The following CSMD1 variants were observed in gnomAD, a reference collection of about 807,000 sequenced individuals.
CSMD1 encodes CUB and sushi domain-containing protein 1.
In CSMD1, 213 loss-of-function variants were observed where a neutral mutation model predicts 417.5. The ratio of observed to expected loss-of-function variants is 0.51; its 90% CI spans 0.46 to 0.57. The LOEUF (loss-of-function observed/expected upper bound fraction) is 0.57. Ranked by LOEUF, CSMD1 falls within the 20% of genes least tolerant of loss-of-function variation. CSMD1 has a pLI of 0.00. For missense variants in CSMD1, 6,923 were observed against 4,529.7 expected, an observed-to-expected ratio of 1.53 and a Z score of -15.17; for synonymous variants, 2,862 against 1,736.8, an observed-to-expected ratio of 1.65 and a Z score of -16.11.
Position 3,784,198 on chromosome 8 carries a change from T to C in CSMD1, c.819-30156A>G, listed in dbSNP as rs568779415. On this transcript the variant is annotated intron_variant, in intron 5 of 69. Transcript: ENST00000635120. ...TAAGTGTCACACCTTGGGAAAGGGG[T>C]GGGTACCCAATAAATAACAAATTAT... Among the ~76,000 whole-genome samples the C allele has an allele frequency of 5.9e-5, 9 of 152,146 alleles. 1 individual carries two copies. The South Asian group carries it at 1.9e-3, about 32-fold the overall frequency.
chr8:4,263,816 T>A (rs1361020835), intron 3 of CSMD1, among the ~76,000 whole-genome samples: 2 of 152,200 alleles, frequency 1.3e-5, no homozygotes, highest in Non-Finnish European at 2.9e-5. Context: ...ATTATACATA[T>A]TTTCTAAACC....
rs1459939640 is a variant in CSMD1, at chr8:3,367,014, CA to C, written c.3115+17del. 6.3e-7 allele frequency: 1 copy of C among 1,593,954 alleles called. No homozygotes were observed. Among genetic ancestry groups the C allele is most frequent in the Non-Finnish European group, 8.6e-7 (1 of 1,163,504 alleles). ...TATTGTTGCCAGAGGAGAGAAACAG[CA>C]AACAAGACCAACATACCTGAAAATG... On this transcript the variant is annotated intron_variant, in intron 20 of 69. Coordinates refer to ENST00000635120, the MANE Select transcript of CSMD1 (RefSeq NM_033225.6).
chr8:4,708,160 G>T (rs376811915), intron 1 of CSMD1, among the ~76,000 whole-genome samples: 14 of 151,812 alleles, frequency 9.2e-5, no homozygotes, highest in African/African-American at 3.4e-4. Context: ...TTGCTATGTC[G>T]ACCAGGCTGG....
intron 12 of CSMD1, among the ~76,000 whole-genome samples, chr8:3,454,261 T>C (rs577117553): frequency 6.6e-6 from 1 of 152,222 alleles, no homozygotes; most frequent in Admixed American, 6.5e-5. Context: ...CTTGACTCTT[T>C]ATCCAATTTG....
chr8:3,459,328 G>A lies in CSMD1; in HGVS notation c.1561+9384C>T, dbSNP rs568596756. Among the ~76,000 whole-genome samples, 16 of 152,270 alleles carry A rather than the reference G, an allele frequency of 1.1e-4. 1 individual carries two copies. The South Asian group carries it at 3.3e-3, about 32-fold the overall frequency. The stretch of plus-strand genomic sequence containing the variant: ...GTCCCTCACCCTGCTGGCTGACGTG[G>A]GGCACAGGGTACACAACACAGCGGC... On this transcript the variant is annotated intron_variant, in intron 12 of 69. Coordinates refer to ENST00000635120, the MANE Select transcript of CSMD1 (RefSeq NM_033225.6).
chr8:4,688,446 G>T (rs375850497), intron 1 of CSMD1, among the ~76,000 whole-genome samples: 37 of 151,968 alleles, frequency 2.4e-4, no homozygotes, highest in Admixed American at 9.2e-4. Context: ...CCATCTCCCC[G>T]GGTCCCTGCT....
chr8:4,187,020 C>A (rs770801748), intron 3 of CSMD1, among the ~76,000 whole-genome samples: 2 of 152,092 alleles, frequency 1.3e-5, no homozygotes, highest in Admixed American at 6.6e-5. Flanking sequence ...AAGTGTTCTT[C>A]TTCCTTTATA....
At chr8:3,431,352 G>C (rs375708069) in intron 12 of CSMD1, among the ~76,000 whole-genome samples, 1 of 152,140 alleles carries the variant, frequency 6.6e-6, no homozygotes, top group Non-Finnish European at 1.5e-5. Flanking sequence ...CTTGGAGAGT[G>C]AAAATTTTCC....
rs1296156975 is a variant in CSMD1 at position 4,834,993 on chromosome 8, GAAAGAAAGAAAGAAAGAAA to G, written c.85+159320_85+159338del. Among the ~76,000 whole-genome samples the G allele has an allele frequency of 4.7e-4, 19 of 40,686 alleles. 1 individual carries two copies. Among genetic ancestry groups the G allele is most frequent in the Non-Finnish European group, 6.3e-4 (11 of 17,534 alleles). 26.7% of individuals were successfully genotyped at this position (40,686 alleles called of 152,430 possible). On this transcript the variant is annotated intron_variant, in intron 1 of 69. Coordinates refer to ENST00000635120, the MANE Select transcript of CSMD1 (RefSeq NM_033225.6). ...AAAAAAAAAAAAAGAAAGAAAGAAA[GAAAGAAAGAAAGAAAGAAA>G]AAAAAATCACAGTATTGGGGGAACA...
chr8:4,388,280 A>G (rs915730977), intron 3 of CSMD1, among the ~76,000 whole-genome samples: 5 of 150,428 alleles, frequency 3.3e-5, no homozygotes, highest in African/African-American at 1.2e-4. Context: ...TATCCATCAA[A>G]CAAGTGGATA....
intron 50 of CSMD1, among the ~76,000 whole-genome samples, chr8:3,031,383 G>A (rs942156230): frequency 8.6e-5 from 13 of 151,712 alleles, no homozygotes; most frequent in Admixed American, 7.2e-4. Flanking sequence ...GTTAATGGGT[G>A]CAGCACACCA....
intron 6 of CSMD1, among the ~76,000 whole-genome samples, chr8:3,715,537 T>A (rs982049961): frequency 6.6e-6 from 1 of 152,284 alleles, no homozygotes; most frequent in East Asian, 1.9e-4. Context: ...GCAAGCAACC[T>A]TTTTTATTTA....
rs894162884 is a variant in CSMD1, at chr8:4,901,911, C to A, written c.85+92421G>T. 3.3e-5 allele frequency among the ~76,000 whole-genome samples: 5 copies of A among 152,114 alleles called. 1 individual carries two copies. The Middle Eastern group carries it at 0.014, about 414-fold the overall frequency. On this transcript the variant is annotated intron_variant, in intron 1 of 69. Transcript: ENST00000635120. Reference sequence around the variant, plus strand: ...AGGACACTTCCATTTACCCTAAATACGTTAAAAAGATTGTCAGTCAGATAT... The same window carrying A: ...AGGACACTTCCATTTACCCTAAATAAGTTAAAAAGATTGTCAGTCAGATAT...
At chr8:3,373,528 G>C (rs1033292407) in intron 18 of CSMD1, 2 of 152,130 alleles carry the variant, frequency 1.3e-5, no homozygotes, top group African/African-American at 2.4e-5. Flanking sequence ...AATTGAATTG[G>C]TATTCTCACC....
intron 1 of CSMD1, among the ~76,000 whole-genome samples, chr8:4,742,709 T>C (rs939184037): frequency 1.3e-5 from 2 of 152,122 alleles, no homozygotes; most frequent in South Asian, 2.1e-4. Flanking sequence ...TTATTAAAGA[T>C]GCAAATGTGA....
At chr8:4,459,793 G>A (rs985003365) in intron 2 of CSMD1, among the ~76,000 whole-genome samples, 9 of 152,164 alleles carry the variant, frequency 5.9e-5, no homozygotes, top group South Asian at 4.1e-4. Flanking sequence ...AATTTTTGCT[G>A]TTTAAAACCA....
intron 5 of CSMD1, among the ~76,000 whole-genome samples, chr8:3,977,658 CT>C (rs1449685246): frequency 2.0e-5 from 3 of 152,182 alleles, no homozygotes; most frequent in African/African-American, 7.2e-5. Context: ...GAACCTTCTC[CT>C]TTCTGCTCAT....
At chr8:3,278,275 T>A (rs1401542650) in intron 26 of CSMD1, 1 of 152,196 alleles carries the variant, frequency 6.6e-6, no homozygotes, top group Non-Finnish European at 1.5e-5. Flanking sequence ...ACCCTGATGT[T>A]AAATTATTTT....
At chr8:3,892,025 CAAA>C (rs200597093) in intron 5 of CSMD1, among the ~76,000 whole-genome samples, 1 of 23,236 alleles carries the variant, frequency 4.3e-5, no homozygotes, top group Non-Finnish European at 9.9e-5. Flanking sequence ...TAGTCGCAAA[CAAA>C]AAAAAAAAAA....
Sources: allele counts gnomAD v4.1 joint callset (sites outside exome capture counted in the v4.1 genomes callset), GRCh38; gene constraint gnomAD v4.1.1; transcripts MANE v1.5; gene names NCBI Gene and HGNC (gene_info 2026-07-23, HGNC 2026-07-21).